Variants in TIMM23 observed in about 807,000 individuals in gnomAD.
TIMM23 encodes the protein mitochondrial import inner membrane translocase subunit Tim23.
Under a neutral mutation model 30.7 loss-of-function variants are expected in TIMM23, and 19 were observed. The ratio of observed to expected loss-of-function variants is 0.62; its 90% CI spans 0.43 to 0.91. TIMM23 has a LOEUF of 0.91. Among genes scored for constraint, TIMM23 ranks in the 40% least tolerant of loss-of-function variants. The probability of loss-of-function intolerance (pLI) is 0.00; values close to 1 mark genes in which losing one functional copy is unlikely to be tolerated. For missense variants in TIMM23, 202 were observed against 269.2 expected (o/e 0.75, Z 1.75); for synonymous variants, 78 against 98.5 (o/e 0.79, Z 1.23).
At position 45,996,243 on chromosome 10, in the gene TIMM23, TC is replaced by T. The variant is rs1208241612; in HGVS notation, c.515-6957del. Among the ~76,000 whole-genome samples the T allele has an allele frequency of 2.6e-4, 37 of 143,578 alleles. No individual in the cohort carries two copies. The East Asian group carries it at 7.3e-3, about 28-fold the overall frequency. The allele number at this position is 143,578 out of a possible 152,430, so 94.2% of individuals were successfully genotyped here. A position where few individuals can be genotyped will look rare whatever the true frequency, so the allele number is the denominator to read the frequency against. On this transcript the variant is annotated intron_variant, in intron 6 of 6. Coordinates refer to ENST00000580018, the MANE Select transcript of TIMM23 (RefSeq NM_006327.4). ...CGGGCATGGTGGTGGGTGCCTGTAG[TC>T]CCAGCTACTAGGGAGGCTGAGACAG...
intron 1 of TIMM23, among the ~76,000 whole-genome samples, chr10:45,974,961 C>T (rs1837622628): frequency 6.6e-6 from 1 of 151,792 alleles, no homozygotes; most frequent in Non-Finnish European, 1.5e-5. Flanking sequence ...GATTCTCAAC[C>T]TTGCCACAGT....
At chr10:45,981,703 A>G (rs1208476236) in intron 2 of TIMM23, among the ~76,000 whole-genome samples, 1 of 152,176 alleles carries the variant, frequency 6.6e-6, no homozygotes, top group Non-Finnish European at 1.5e-5. Context: ...GTAACACACT[A>G]TGTGTCTTTT....
chr10:45,972,619 G>C lies in TIMM23; in HGVS notation c.-6G>C. 1 of 1,613,090 alleles carries C rather than the reference G, an allele frequency of 6.2e-7. No homozygotes were observed. Among genetic ancestry groups the C allele is most frequent in the African/African-American group, 1.3e-5 (1 of 75,040 alleles). ...CGGCGGGAACCACTCGGTTTGCTGC[G>C]ATACCATGGAAGGAGGCGGGGGAAG... On this transcript the variant is annotated 5_prime_UTR_variant, in exon 1 of 7. Transcript: ENST00000580018.
chr10:46,003,389 T>A lies in TIMM23; in HGVS notation c.*71T>A, dbSNP rs1308680245. 1 of 1,064,060 alleles carries A rather than the reference T, an allele frequency of 9.4e-7. No individual in the cohort carries two copies. The highest frequency in any genetic ancestry group is 1.4e-6 in the Non-Finnish European group (1 of 709,468). The allele number at this position is 1,064,060 out of a possible 1,614,324, so 65.9% of individuals were successfully genotyped here. A position where few individuals can be genotyped will look rare whatever the true frequency, so the allele number is the denominator to read the frequency against. The stretch of plus-strand genomic sequence containing the variant: ...GATCCTTTTATAAGACAGTTTGGAG[T>A]TATTCTCTCTCTTCTACCTACAATT... On this transcript the variant is annotated 3_prime_UTR_variant, in exon 7 of 7. Transcript: ENST00000580018.
chr10:45,979,181 A>G (rs1554913600), intron 2 of TIMM23, among the ~76,000 whole-genome samples: 1 of 152,214 alleles, frequency 6.6e-6, no homozygotes, highest in Non-Finnish European at 1.5e-5. Flanking sequence ...GGTGATGAAG[A>G]TGCTTTAAAA....
At chr10:46,002,657 A>G (rs1341404248) in intron 6 of TIMM23, among the ~76,000 whole-genome samples, 6 of 152,136 alleles carry the variant, frequency 3.9e-5, no homozygotes, top group African/African-American at 1.4e-4. Flanking sequence ...ATAAACTGCC[A>G]TAGGAACAAA....
At chr10:45,995,928 T>TA (rs1365682695) in intron 6 of TIMM23, among the ~76,000 whole-genome samples, 7 of 149,136 alleles carry the variant, frequency 4.7e-5, no homozygotes, top group Non-Finnish European at 8.9e-5. Context: ...TGCTACGTGA[T>TA]ATTTGTGGTG....
At chr10:45,987,061 A>G (rs1172835074) in intron 5 of TIMM23, among the ~76,000 whole-genome samples, 155 of 152,248 alleles carry the variant, frequency 1.0e-3, no homozygotes, top group African/African-American at 3.6e-3. Flanking sequence ...ACTGTATAGT[A>G]TTCCATTATA....
In TIMM23 at chr10:45,995,801, G is replaced by A. The variant is rs1245311493; in HGVS notation, c.514+6954G>A. Among the ~76,000 whole-genome samples the A allele has an allele frequency of 6.5e-4, 80 of 123,262 alleles. 3 individuals are homozygous for A. Among genetic ancestry groups the A allele is most frequent in the African/African-American group, 2.3e-3 (71 of 30,304 alleles). The allele number at this position is 123,262 out of a possible 152,430, so 80.9% of individuals were successfully genotyped here. ...AGTGTTGTGAGCTCTTACGGATAAA[G>A]TTTGAAATGCAACCTATTTTCAATA... On this transcript the variant is annotated intron_variant, in intron 6 of 6. Transcript: ENST00000580018.
chr10:45,994,196 G>A (rs1167781106), intron 6 of TIMM23, among the ~76,000 whole-genome samples: 10 of 151,888 alleles, frequency 6.6e-5, no homozygotes, highest in South Asian at 2.1e-4. Context: ...AAAACCAGCC[G>A]GGCATGATAG....
At chr10:45,998,416 T>C (rs1838413245) in intron 6 of TIMM23, 1 of 984,544 alleles carries the variant, frequency 1.0e-6, no homozygotes, top group African/African-American at 1.7e-5. Flanking sequence ...ACACAAGTCA[T>C]ATTTGCTTTG....
intron 5 of TIMM23, among the ~76,000 whole-genome samples, chr10:45,987,527 A>C (rs1268144553): frequency 6.6e-6 from 1 of 152,026 alleles, no homozygotes; most frequent in Non-Finnish European, 1.5e-5. Context: ...GTTTCCCACA[A>C]CCCACTCTTT....
intron 1 of TIMM23, 86 bp downstream of exon 1, chr10:45,972,816 T>C (rs1340531290): frequency 1.3e-6 from 2 of 1,557,228 alleles, no homozygotes; most frequent in Non-Finnish European, 1.7e-6. Flanking sequence ...ATGTTGTTGT[T>C]TTTTTTTTCC....
At chr10:45,983,883 A>G (rs1837922650) in intron 4 of TIMM23, among the ~76,000 whole-genome samples, 5 of 152,112 alleles carry the variant, frequency 3.3e-5, no homozygotes, top group South Asian at 2.1e-4. Flanking sequence ...AGCTGGGACT[A>G]CAGGCACATG....
chr10:46,000,376 T>G lies in TIMM23; in HGVS notation c.515-2827T>G, dbSNP rs376644148. On this transcript the variant is annotated intron_variant, in intron 6 of 6. Transcript: ENST00000580018. ...TTCTGCCATGGCTTCAGCCGGTCCC[T>G]CCGTTTGGGGTCCCTGACTTCCCGC... Among the ~76,000 whole-genome samples the G allele has an allele frequency of 1.4e-4, 21 of 152,312 alleles. No individual in the cohort carries two copies. In the East Asian group the frequency reaches 1.9e-3, roughly 14 times the overall value.
chr10:45,989,343 G>T (rs1838088644), intron 6 of TIMM23, among the ~76,000 whole-genome samples: 1 of 152,152 alleles, frequency 6.6e-6, no homozygotes, highest in Non-Finnish European at 1.5e-5. Context: ...TATTCATTCT[G>T]TGTATGTATA....
chr10:46,000,494 A>G (rs1838495395), intron 6 of TIMM23, among the ~76,000 whole-genome samples: 1 of 152,198 alleles, frequency 6.6e-6, no homozygotes, highest in South Asian at 2.1e-4. Context: ...TGCTGGGATT[A>G]CAAGTGTGAG....
chr10:45,990,202 A>C (rs1838118954), intron 6 of TIMM23, among the ~76,000 whole-genome samples: 1 of 150,308 alleles, frequency 6.7e-6, no homozygotes, highest in South Asian at 2.1e-4. Flanking sequence ...AGCTCACTGC[A>C]ACCTCCACCT....
intron 2 of TIMM23, among the ~76,000 whole-genome samples, chr10:45,980,486 A>T (rs1428586669): frequency 2.8e-4 from 42 of 151,380 alleles, no homozygotes; most frequent in African/African-American, 6.5e-4. Context: ...TTTTTTTTTT[A>T]AATTGTGTCA....
Sources: allele counts gnomAD v4.1 joint callset (sites outside exome capture counted in the v4.1 genomes callset), GRCh38; gene constraint gnomAD v4.1.1; transcripts MANE v1.5; gene names NCBI Gene and HGNC (gene_info 2026-07-23, HGNC 2026-07-21).